GRM7: variants seen among roughly 807,000 people sequenced by gnomAD.
GRM7 encodes the protein glutamate metabotropic receptor 7.
GRM7 carries 35 observed loss-of-function variants against 84.5 expected under a neutral mutation model. That is an observed-to-expected ratio of 0.41 (90% CI 0.32 to 0.55). The LOEUF is 0.55. Among genes scored for constraint, GRM7 ranks in the 20% least tolerant of loss-of-function variants. The pLI is 0.19. For missense variants in GRM7, 1,003 were observed against 1,194.6 expected (o/e 0.84, Z 2.36); for synonymous variants, 487 against 455.1 (o/e 1.07, Z -0.89).
intron 8 of GRM7, among the ~76,000 whole-genome samples, chr3:7,646,283 C>T (rs1698633435): frequency 6.6e-6 from 1 of 152,106 alleles, no homozygotes; most frequent in Non-Finnish European, 1.5e-5. Context: ...CCTCTGCCTC[C>T]CAGGTTCAAG....
At chr3:7,687,383 G>A (rs1203965497) in intron 9 of GRM7, among the ~76,000 whole-genome samples, 1 of 152,126 alleles carries the variant, frequency 6.6e-6, no homozygotes, top group Non-Finnish European at 1.5e-5. Context: ...TTCAGCCTAA[G>A]CAATATTACA....
chr3:7,735,734 T>C (rs966356568), intron 9 of GRM7, among the ~76,000 whole-genome samples: 25 of 152,330 alleles, frequency 1.6e-4, no homozygotes, highest in African/African-American at 5.1e-4. Context: ...CTATGGTCTG[T>C]ATCCTTCCTT....
intron 9 of GRM7, among the ~76,000 whole-genome samples, chr3:7,724,755 A>AT (rs1271412431): frequency 1.2e-4 from 19 of 152,082 alleles, no homozygotes; most frequent in African/African-American, 4.3e-4. Context: ...CCATTCCATT[A>AT]TTTTTGTCTT....
chr3:7,065,683 G>A (rs1304371415), intron 1 of GRM7, among the ~76,000 whole-genome samples: 1 of 151,580 alleles, frequency 6.6e-6, no homozygotes, highest in African/African-American at 2.4e-5. Flanking sequence ...GCTCTTTTTT[G>A]GTTCCATATG....
intron 7 of GRM7, among the ~76,000 whole-genome samples, chr3:7,502,617 T>C (rs995516314): frequency 1.3e-5 from 2 of 152,140 alleles, no homozygotes; most frequent in African/African-American, 2.4e-5. Flanking sequence ...CACAGATGTA[T>C]GATTGCCCTA....
intron 1 of GRM7, among the ~76,000 whole-genome samples, chr3:7,021,821 T>C (rs568059438): frequency 1.5e-3 from 230 of 152,358 alleles, no homozygotes; most frequent in African/African-American, 5.2e-3. Context: ...TATAAGACAC[T>C]GCTTAGGTAC....
intron 1 of GRM7, among the ~76,000 whole-genome samples, chr3:6,982,035 G>A (rs1694225483): frequency 6.6e-6 from 1 of 152,058 alleles, no homozygotes; most frequent in Admixed American, 6.6e-5. Flanking sequence ...GCAGAGACAT[G>A]GAATCAACCT....
chr3:7,420,908 C>A (rs1429190013), intron 5 of GRM7, among the ~76,000 whole-genome samples: 3 of 152,110 alleles, frequency 2.0e-5, no homozygotes, highest in East Asian at 3.8e-4. Context: ...TAGGATTCTT[C>A]AAGTTAAAAT....
intron 2 of GRM7, among the ~76,000 whole-genome samples, chr3:7,247,603 A>T (rs78783431): frequency 0.067 from 8,308 of 124,064 alleles, 585 homozygotes; most frequent in African/African-American, 0.24. Context: ...CTTTTTTTTT[A>T]AAAAAAAAAA....
chr3:7,726,014 TG>T (rs746348002), intron 9 of GRM7, among the ~76,000 whole-genome samples: 250 of 152,212 alleles, frequency 1.6e-3, no homozygotes, highest in Non-Finnish European at 1.9e-3. Flanking sequence ...ACACATTGTG[TG>T]GGGGAAAAAT....
chr3:6,908,903 A>G (rs954414484), intron 1 of GRM7, among the ~76,000 whole-genome samples: 7 of 152,106 alleles, frequency 4.6e-5, no homozygotes, highest in African/African-American at 1.7e-4. Context: ...ATTTCTGGCT[A>G]GGTAAGTCAA....
At chr3:7,266,277 ATAGTAAAGT>A (rs1014134303) in intron 2 of GRM7, among the ~76,000 whole-genome samples, 2 of 152,248 alleles carry the variant, frequency 1.3e-5, no homozygotes, top group Non-Finnish European at 2.9e-5. Context: ...TGGATTCAGT[ATAGTAAAGT>A]GTTACTGTTC....
intron 2 of GRM7, among the ~76,000 whole-genome samples, chr3:7,189,021 A>G (rs1339054043): frequency 1.3e-5 from 2 of 152,180 alleles, no homozygotes; most frequent in African/African-American, 4.8e-5. Context: ...TTGCAGCCTT[A>G]CTGTATGGCC....
chr3:7,460,099 TAAAA>T (rs71066013), intron 6 of GRM7, among the ~76,000 whole-genome samples: 43 of 49,548 alleles, frequency 8.7e-4, no homozygotes, highest in African/African-American at 3.5e-3. Flanking sequence ...CTTAAAATAG[TAAAA>T]AAAAAAAAAA....
intron 1 of GRM7, among the ~76,000 whole-genome samples, chr3:6,878,172 C>T (rs1695383081): frequency 6.6e-6 from 1 of 151,956 alleles, no homozygotes; most frequent in Non-Finnish European, 1.5e-5. Flanking sequence ...TTAAATTTCT[C>T]TTTGTATTTA....
intron 2 of GRM7, among the ~76,000 whole-genome samples, chr3:7,233,527 C>G (rs1356706013): frequency 6.6e-6 from 1 of 152,034 alleles, no homozygotes; most frequent in Non-Finnish European, 1.5e-5. Context: ...AGCCTTGAAG[C>G]TTATTTAATC....
chr3:7,277,728 T>C (rs1699124055), intron 2 of GRM7, among the ~76,000 whole-genome samples: 1 of 152,106 alleles, frequency 6.6e-6, no homozygotes, highest in Admixed American at 6.6e-5. Context: ...TCTGTATTTG[T>C]ACAGGTTGTT....
intron 2 of GRM7, among the ~76,000 whole-genome samples, chr3:7,238,102 A>T (rs2124913982): frequency 6.6e-6 from 1 of 152,266 alleles, no homozygotes; most frequent in African/African-American, 2.4e-5. Context: ...GTATTGAATC[A>T]AAATTATATC....
At chr3:7,009,896 A>G (rs1177539537) in intron 1 of GRM7, among the ~76,000 whole-genome samples, 1 of 152,200 alleles carries the variant, frequency 6.6e-6, no homozygotes, top group Non-Finnish European at 1.5e-5. Flanking sequence ...AGATTCTCGA[A>G]TCAGACTCCA....
Sources: allele counts gnomAD v4.1 joint callset (sites outside exome capture counted in the v4.1 genomes callset), GRCh38; gene constraint gnomAD v4.1.1; transcripts MANE v1.5; gene names NCBI Gene and HGNC (gene_info 2026-07-23, HGNC 2026-07-21).